The following ELMO1 variants were observed in gnomAD, a reference collection of about 807,000 sequenced individuals.
ELMO1 encodes engulfment and cell motility 1, also known as engulfment and cell motility protein 1.
Under a neutral mutation model 98.9 loss-of-function variants are expected in ELMO1, and 26 were observed. The observed-to-expected ratio is 0.26, with a 90% CI of 0.19 to 0.36. The LOEUF (loss-of-function observed/expected upper bound fraction) is 0.36. Among genes scored for constraint, ELMO1 ranks in the 10% least tolerant of loss-of-function variants. The pLI is 1.00. For missense variants in ELMO1, 627 were observed against 935.2 expected, an observed-to-expected ratio of 0.67 and a Z score of 4.30; for synonymous variants, 346 against 346.0, an observed-to-expected ratio of 1.00 and a Z score of 0.00.
At position 36,971,690 on chromosome 7, in the gene ELMO1, C is replaced by G. The variant is rs140074731; in HGVS notation, c.1437+41609G>C. On this transcript the variant is annotated intron_variant, in intron 16 of 21. Coordinates refer to ENST00000310758, the MANE Select transcript of ELMO1 (RefSeq NM_014800.11). ...GGTCAGCTGTGCTTGGCCTCTGTGA[C>G]TAGCGGTATTTGTCCAGAGGCTAAT... Among the ~76,000 whole-genome samples the G allele has an allele frequency of 3.3e-3, 506 of 152,282 alleles. 7 individuals carry two copies. The highest frequency in any genetic ancestry group is 0.012 in the African/African-American group (491 of 41,554).
At chr7:37,254,377 G>A (rs1795525305) in intron 6 of ELMO1, among the ~76,000 whole-genome samples, 1 of 152,124 alleles carries the variant, frequency 6.6e-6, no homozygotes, top group Non-Finnish European at 1.5e-5. Flanking sequence ...AAACTGGGAC[G>A]GCTTACTGAT....
intron 15 of ELMO1, among the ~76,000 whole-genome samples, chr7:37,040,724 G>T (rs1290013068): frequency 1.3e-5 from 2 of 152,162 alleles, no homozygotes; most frequent in Admixed American, 1.3e-4. Context: ...ATATCCTGGT[G>T]GGTATAAGCA....
intron 13 of ELMO1, among the ~76,000 whole-genome samples, chr7:37,171,913 C>T (rs2129827244): frequency 6.6e-6 from 1 of 152,320 alleles, no homozygotes; most frequent in African/African-American, 2.4e-5. Context: ...TAAAAATCAA[C>T]AAAATTCACC....
At chr7:37,122,685 G>A (rs1269645688) in intron 14 of ELMO1, among the ~76,000 whole-genome samples, 1 of 152,104 alleles carries the variant, frequency 6.6e-6, no homozygotes, top group Non-Finnish European at 1.5e-5. Flanking sequence ...CAATAATAAT[G>A]GGAGACTTTA....
intron 15 of ELMO1, among the ~76,000 whole-genome samples, chr7:37,029,454 ATTTC>A (rs1370610313): frequency 2.0e-5 from 3 of 152,028 alleles, no homozygotes; most frequent in African/African-American, 7.2e-5. Flanking sequence ...TAAGTACTGG[ATTTC>A]TTTATTTCAC....
intron 1 of ELMO1, among the ~76,000 whole-genome samples, chr7:37,374,541 G>C (rs765637754): frequency 7.2e-5 from 11 of 151,964 alleles, no homozygotes; most frequent in Non-Finnish European, 1.5e-4. Flanking sequence ...CACAAGGTCA[G>C]GAGATCAAGA....
chr7:37,084,593 G>C (rs920501416), intron 15 of ELMO1, among the ~76,000 whole-genome samples: 8 of 152,152 alleles, frequency 5.3e-5, no homozygotes, highest in Non-Finnish European at 1.5e-5. Context: ...CATCACCTCA[G>C]TCTACTTAAC....
chr7:37,291,996 G>T (rs910344443), intron 4 of ELMO1, among the ~76,000 whole-genome samples: 9 of 114,832 alleles, frequency 7.8e-5, no homozygotes, highest in African/African-American at 2.1e-4. Flanking sequence ...CTCTGATGCC[G>T]AGCCGAAGCT....
chr7:36,976,021 T>C (rs1790512688), intron 16 of ELMO1, among the ~76,000 whole-genome samples: 1 of 152,234 alleles, frequency 6.6e-6, no homozygotes, highest in African/African-American at 2.4e-5. Flanking sequence ...ATAGGATTTA[T>C]GTAAAAGCCG....
rs372145310 is a variant in ELMO1 at position 37,332,236 on chromosome 7, T to C, written c.78+10377A>G. The stretch of plus-strand genomic sequence containing the variant: ...ATAAAATGTAATAATGTATTTAGAA[T>C]ACATGGTGCAAACAAGGCAAAGAAT... On this transcript the variant is annotated intron_variant, in intron 2 of 21. Coordinates refer to ENST00000310758, the MANE Select transcript of ELMO1 (RefSeq NM_014800.11). Among the ~76,000 whole-genome samples the C allele has an allele frequency of 4.3e-4, 65 of 152,376 alleles. No individual in the cohort carries two copies. The South Asian group carries it at 0.013, about 31-fold the overall frequency.
chr7:36,949,807 C>G (rs777653736), intron 16 of ELMO1, among the ~76,000 whole-genome samples: 8 of 152,158 alleles, frequency 5.3e-5, no homozygotes, highest in Admixed American at 3.9e-4. Context: ...CTCCACCACC[C>G]CACCCAGATG....
At chr7:37,146,441 C>G (rs539328911) in intron 13 of ELMO1, among the ~76,000 whole-genome samples, 1 of 152,294 alleles carries the variant, frequency 6.6e-6, no homozygotes, top group Admixed American at 6.5e-5. Flanking sequence ...GCCCTTGACT[C>G]CCCCTGTACT....
intron 1 of ELMO1, among the ~76,000 whole-genome samples, chr7:37,444,346 G>T (rs781248812): frequency 1.3e-5 from 2 of 152,226 alleles, no homozygotes; most frequent in Admixed American, 6.5e-5. Flanking sequence ...AAAACTTGGT[G>T]AGAAAAGGGG....
In ELMO1 at chr7:37,029,694, A is replaced by G. The variant is rs1584537560; in HGVS notation, c.1301-16259T>C. On this transcript the variant is annotated intron_variant, in intron 15 of 21. Transcript: ENST00000310758. ...ATAAAATTAGGCTTAAACTCTTGTTATTGGTATAAGGAGTCTACTTTTTCA... is the reference window on the plus strand; with the variant it reads ...ATAAAATTAGGCTTAAACTCTTGTTGTTGGTATAAGGAGTCTACTTTTTCA... Among the ~76,000 whole-genome samples, 2 of 152,314 alleles carry G rather than the reference A, an allele frequency of 1.3e-5. 1 individual carries two copies. Among genetic ancestry groups the G allele is most frequent in the South Asian group, 4.1e-4 (2 of 4,832 alleles).
chr7:36,993,882 A>C (rs1792027578), intron 16 of ELMO1, among the ~76,000 whole-genome samples: 1 of 152,250 alleles, frequency 6.6e-6, no homozygotes, highest in South Asian at 2.1e-4. Context: ...AAGCATGAGA[A>C]CGACGAAGCA....
chr7:36,977,974 T>G (rs1396004911), intron 16 of ELMO1, among the ~76,000 whole-genome samples: 2 of 152,168 alleles, frequency 1.3e-5, no homozygotes, highest in Non-Finnish European at 2.9e-5. Context: ...GGCTAATGAT[T>G]GCCTGAAAAA....
chr7:36,925,977 C>G (rs971648909), intron 16 of ELMO1, among the ~76,000 whole-genome samples: 1 of 152,154 alleles, frequency 6.6e-6, no homozygotes, highest in Non-Finnish European at 1.5e-5. Context: ...GATGACTGCC[C>G]AGGTCCAGAA....
chr7:37,113,071 A>C (rs1417051379), intron 14 of ELMO1, among the ~76,000 whole-genome samples: 1 of 152,218 alleles, frequency 6.6e-6, no homozygotes, highest in African/African-American at 2.4e-5. Flanking sequence ...ATAGTTTCTA[A>C]TTTGGTTTTC....
At chr7:36,933,501 C>T (rs1278973675) in intron 16 of ELMO1, among the ~76,000 whole-genome samples, 1 of 152,200 alleles carries the variant, frequency 6.6e-6, no homozygotes, top group East Asian at 1.9e-4. Context: ...ATAAGAAGCA[C>T]TTTAAATGCT....
Sources: allele counts gnomAD v4.1 joint callset (sites outside exome capture counted in the v4.1 genomes callset), GRCh38; gene constraint gnomAD v4.1.1; transcripts MANE v1.5; gene names NCBI Gene and HGNC (gene_info 2026-07-23, HGNC 2026-07-21).